TTC17: variants seen among roughly 807,000 people sequenced by gnomAD.
TTC17 encodes tetratricopeptide repeat domain 17.
Under a neutral mutation model 143.8 loss-of-function variants are expected in TTC17, and 58 were observed. The observed-to-expected ratio is 0.40, with a 90% CI of 0.33 to 0.50. The LOEUF is 0.50. Among genes scored for constraint, TTC17 ranks in the 20% least tolerant of loss-of-function variants. The pLI is 0.49. For synonymous variants in TTC17, 501 were observed against 497.8 expected (o/e 1.01, Z -0.09); for missense variants, 1,273 against 1,392.5 (o/e 0.91, Z 1.37).
intron 15 of TTC17, among the ~76,000 whole-genome samples, chr11:43,409,585 T>C (rs1211766651): frequency 6.6e-6 from 1 of 152,216 alleles, no homozygotes; most frequent in Non-Finnish European, 1.5e-5. Context: ...CCCTGTGAGA[T>C]GGAATTTCCC....
At chr11:43,421,290 T>TC (rs1186193093) in intron 16 of TTC17, among the ~76,000 whole-genome samples, 1 of 152,158 alleles carries the variant, frequency 6.6e-6, no homozygotes, top group Non-Finnish European at 1.5e-5. Context: ...TTGCAAATGT[T>TC]CATGTTAGGA....
intron 21 of TTC17, among the ~76,000 whole-genome samples, chr11:43,469,574 C>G (rs1053306507): frequency 2.6e-5 from 4 of 152,114 alleles, no homozygotes; most frequent in African/African-American, 9.7e-5. Flanking sequence ...CAATATTATT[C>G]TCACAAAAGA....
At chr11:43,477,418 A>G (rs1948205158) in intron 21 of TTC17, among the ~76,000 whole-genome samples, 1 of 152,190 alleles carries the variant, frequency 6.6e-6, no homozygotes, top group African/African-American at 2.4e-5. Context: ...TTTTCATGCT[A>G]CTGATAAAGA....
chr11:43,371,324 C>G (rs1268288909), intron 1 of TTC17, among the ~76,000 whole-genome samples: 1 of 152,160 alleles, frequency 6.6e-6, no homozygotes, highest in Non-Finnish European at 1.5e-5. Flanking sequence ...TCCTCCCACC[C>G]AATTCAGTCC....
Position 43,426,539 on chromosome 11 carries a change from A to T in TTC17, c.2251+11763A>T, listed in dbSNP as rs188547913. On this transcript the variant is annotated intron_variant, in intron 16 of 23. Transcript: ENST00000039989. The stretch of plus-strand genomic sequence containing the variant: ...TTAGGAAACTTTATTACTGAGATCC[A>T]TCCACAAGTCTCTGCTCATAACATT... 3.3e-5 allele frequency among the ~76,000 whole-genome samples: 5 copies of T among 152,336 alleles called. No homozygotes were observed. The East Asian group carries it at 7.7e-4, about 24-fold the overall frequency.
In TTC17 at chr11:43,461,340, C is replaced by T. The variant is rs1000937295; in HGVS notation, c.3030+10075C>T. Among the ~76,000 whole-genome samples, 40 of 147,042 alleles carry T rather than the reference C, an allele frequency of 2.7e-4. 1 individual carries two copies. The highest frequency in any genetic ancestry group is 1.0e-3 in the African/African-American group (40 of 39,900). On this transcript the variant is annotated intron_variant, in intron 21 of 23. Coordinates refer to ENST00000039989, the MANE Select transcript of TTC17 (RefSeq NM_018259.6). Reference sequence around the variant, plus strand: ...CGGAGCTTGCAGTGAGCCGAGATTGCGCCACTGCAGTCCGCAGTCCGGCCT... The same window carrying T: ...CGGAGCTTGCAGTGAGCCGAGATTGTGCCACTGCAGTCCGCAGTCCGGCCT...
chr11:43,463,540 T>C (rs1186978288), intron 21 of TTC17, among the ~76,000 whole-genome samples: 1 of 152,122 alleles, frequency 6.6e-6, no homozygotes, highest in Non-Finnish European at 1.5e-5. Flanking sequence ...TTTAAAACTC[T>C]TCTGAAAAAT....
chr11:43,490,340 T>C lies in TTC17; in HGVS notation c.3132T>C (p.Tyr1044=). The change falls in exon 22 of 24, where the codon TAT becomes TAC. Residue 1044 remains tyrosine, a synonymous_variant. Transcript: ENST00000039989. ...AIDCLRQALH[Y]APHQMKDVPL... is the part of the protein sequence containing the mutation. ...ACTGCCTCCGCCAGGCTCTGCACTA[T>C]GCGCCACACCAGATGAAGGTGAGTG... The C allele has an allele frequency of 1.2e-6, 2 of 1,608,318 alleles. No homozygotes were observed. Among genetic ancestry groups the C allele is most frequent in the Non-Finnish European group, 1.7e-6 (2 of 1,176,344 alleles).
At chr11:43,490,876 A>AC (rs1436405019) in intron 22 of TTC17, 3 of 151,480 alleles carry the variant, frequency 2.0e-5, no homozygotes, top group Non-Finnish European at 4.4e-5. Flanking sequence ...AAAAAAAAAA[A>AC]AAAAAACCGG....
At chr11:43,486,677 A>C (rs1001477167) in intron 21 of TTC17, among the ~76,000 whole-genome samples, 2 of 152,174 alleles carry the variant, frequency 1.3e-5, no homozygotes, top group Non-Finnish European at 2.9e-5. Flanking sequence ...TGGAATATTC[A>C]TTGTATGTTT....
chr11:43,364,749 C>T (rs1489854673), intron 1 of TTC17, among the ~76,000 whole-genome samples: 1 of 152,154 alleles, frequency 6.6e-6, no homozygotes, highest in Non-Finnish European at 1.5e-5. Context: ...TGGAAATGTA[C>T]AGAAATAAAT....
At chr11:43,476,914 A>G (rs1479869849) in intron 21 of TTC17, among the ~76,000 whole-genome samples, 3 of 152,342 alleles carry the variant, frequency 2.0e-5, no homozygotes, top group East Asian at 3.9e-4. Flanking sequence ...TTTCTTTTCT[A>G]TCGCATAGTC....
intron 21 of TTC17, among the ~76,000 whole-genome samples, chr11:43,484,692 AC>A (rs1948349649): frequency 1.3e-5 from 2 of 152,160 alleles, no homozygotes; most frequent in Non-Finnish European, 2.9e-5. Flanking sequence ...TTTTGATAAA[AC>A]AAGACATTAT....
intron 11 of TTC17, 84 bp from the exon 12 acceptor site, chr11:43,405,430 G>A: frequency 1.0e-6 from 1 of 955,128 alleles, no homozygotes; most frequent in Non-Finnish European, 1.7e-6. Flanking sequence ...TTCAATTATT[G>A]TAGTATATCA....
At chr11:43,457,530 G>A (rs1272880349) in intron 21 of TTC17, among the ~76,000 whole-genome samples, 1 of 151,954 alleles carries the variant, frequency 6.6e-6, no homozygotes, top group Non-Finnish European at 1.5e-5. Context: ...TATACTCAGT[G>A]GACAAGGACT....
rs1035625448 is a variant in TTC17 at position 43,472,933 on chromosome 11, G to T, written c.3031-17306G>T. 2.0e-5 allele frequency among the ~76,000 whole-genome samples: 3 copies of T among 152,058 alleles called. No individual in the cohort carries two copies. The Middle Eastern group carries it at 0.01, about 521-fold the overall frequency. The stretch of plus-strand genomic sequence containing the variant: ...CTCAAGCTTGTAATCCCAGCACTTT[G>T]GGAGGCCAAGACCTGCAGATCACCT... On this transcript the variant is annotated intron_variant, in intron 21 of 23. Coordinates refer to ENST00000039989, the MANE Select transcript of TTC17 (RefSeq NM_018259.6).
intron 21 of TTC17, among the ~76,000 whole-genome samples, chr11:43,454,345 C>T (rs1314103479): frequency 6.6e-6 from 1 of 152,004 alleles, no homozygotes; most frequent in East Asian, 1.9e-4. Context: ...AAAGGCCTTA[C>T]TCTATAGATA....
At chr11:43,387,573 T>G (rs1857216330) in intron 2 of TTC17, among the ~76,000 whole-genome samples, 1 of 152,124 alleles carries the variant, frequency 6.6e-6, no homozygotes, top group Non-Finnish European at 1.5e-5. Flanking sequence ...CATTTGGGGC[T>G]CTGTTGGGGA....
At chr11:43,393,355 T>C (rs1269143904) in intron 5 of TTC17, among the ~76,000 whole-genome samples, 1 of 152,058 alleles carries the variant, frequency 6.6e-6, no homozygotes, top group African/African-American at 2.4e-5. Flanking sequence ...TTACCTACTA[T>C]TATTGGTTTA....
Sources: gnomAD v4.1 joint callset for allele counts (sites outside exome capture counted in the v4.1 genomes callset) on GRCh38, gnomAD v4.1.1 for gene constraint, MANE v1.5 for transcripts, NCBI Gene and HGNC (gene_info 2026-07-23, HGNC 2026-07-21) for gene names.